The following IL1RAPL1 variants were observed in gnomAD, a reference collection of about 807,000 sequenced individuals.
IL1RAPL1 encodes interleukin 1 receptor accessory protein like 1.
IL1RAPL1 carries 3 observed loss-of-function variants against 48.4 expected under a neutral mutation model. That is an observed-to-expected ratio of 0.06 (90% CI 0.03 to 0.16). The LOEUF (loss-of-function observed/expected upper bound fraction) is 0.16, where lower values mean the gene tolerates loss of function less well. Among genes scored for constraint, IL1RAPL1 ranks in the 10% least tolerant of loss-of-function variants. The pLI is 1.00. For synonymous variants in IL1RAPL1, 185 were observed against 187.7 expected (o/e 0.99, Z 0.12); for missense variants, 349 against 530.6 (o/e 0.66, Z 3.36).
chrX:28,896,103 C>T (rs990751226), intron 2 of IL1RAPL1, among the ~76,000 whole-genome samples: 45 of 111,924 alleles, frequency 4.0e-4, no homozygotes, highest in African/African-American at 1.4e-3. Flanking sequence ...AGCTGCGGTT[C>T]GGGCATTTGG....
chrX:29,145,121 A>T (rs948176975), intron 2 of IL1RAPL1, among the ~76,000 whole-genome samples: 1 of 111,759 alleles, frequency 8.9e-6, no homozygotes, highest in African/African-American at 3.3e-5. Context: ...AATAAAAAAA[A>T]CCTGAGCCGG....
intron 1 of IL1RAPL1, among the ~76,000 whole-genome samples, chrX:28,739,731 C>T: frequency 9.0e-6 from 1 of 111,044 alleles, no homozygotes; most frequent in Middle Eastern, 4.6e-3. Context: ...GCTTCCTCTG[C>T]CAGGAATGCT....
At chrX:29,664,371 T>C (rs752843207) in intron 5 of IL1RAPL1, among the ~76,000 whole-genome samples, 1 of 90,661 alleles carries the variant, frequency 1.1e-5, no homozygotes, top group African/African-American at 4.7e-5. Context: ...GCCACTGCAC[T>C]CCGGCCTGGG....
intron 2 of IL1RAPL1, among the ~76,000 whole-genome samples, chrX:29,030,671 A>C (rs61437931): frequency 0.044 from 4,883 of 111,456 alleles, 108 homozygotes; most frequent in African/African-American, 0.064. Context: ...TATGTTGAAC[A>C]TGGTAGTTTG....
At chrX:29,118,269 C>T (rs1480235728) in intron 2 of IL1RAPL1, among the ~76,000 whole-genome samples, 1 of 112,024 alleles carries the variant, frequency 8.9e-6, no homozygotes, top group Non-Finnish European at 1.9e-5. Context: ...GTGCGAAGCT[C>T]TGATAAAAAT....
At chrX:29,599,931 T>A (rs1026513778) in intron 5 of IL1RAPL1, among the ~76,000 whole-genome samples, 3 of 112,145 alleles carry the variant, frequency 2.7e-5, no homozygotes, top group African/African-American at 9.7e-5. Flanking sequence ...TCCTGTATGA[T>A]GTTTTTTATT....
At chrX:28,730,433 G>A (rs1482829476) in intron 1 of IL1RAPL1, among the ~76,000 whole-genome samples, 1 of 111,136 alleles carries the variant, frequency 9.0e-6, no homozygotes, top group African/African-American at 3.3e-5. Context: ...TCCGAAAAAC[G>A]ACTAAATAGA....
At chrX:28,621,289 G>A in intron 1 of IL1RAPL1, among the ~76,000 whole-genome samples, 1 of 112,106 alleles carries the variant, frequency 8.9e-6, no homozygotes, top group Non-Finnish European at 1.9e-5. Context: ...ATAGATAATT[G>A]CTGAATGAAT....
chrX:29,582,193 C>T (rs749379845), intron 5 of IL1RAPL1, among the ~76,000 whole-genome samples: 3 of 110,859 alleles, frequency 2.7e-5, no homozygotes, highest in Admixed American at 9.6e-5. Context: ...GTCATTATTA[C>T]ATAATCCTAA....
chrX:29,459,953 G>T (rs1459777808), intron 5 of IL1RAPL1, among the ~76,000 whole-genome samples: 3 of 111,578 alleles, frequency 2.7e-5, no homozygotes, highest in Non-Finnish European at 5.6e-5. Context: ...CTGCTTCTAA[G>T]AATTCAACCT....
chrX:29,061,145 A>G (rs889699279), intron 2 of IL1RAPL1, among the ~76,000 whole-genome samples: 5 of 111,725 alleles, frequency 4.5e-5, no homozygotes, highest in Admixed American at 2.9e-4. Context: ...TAATATTAGA[A>G]TATAATACTT....
chrX:28,598,576 A>C (rs1474966209), intron 1 of IL1RAPL1, among the ~76,000 whole-genome samples: 1 of 108,817 alleles, frequency 9.2e-6, no homozygotes, highest in African/African-American at 3.3e-5. Context: ...TCACTCCCCT[A>C]TCCCTGAGGA....
At chrX:29,345,760 T>C (rs1933141843) in intron 3 of IL1RAPL1, among the ~76,000 whole-genome samples, 1 of 111,584 alleles carries the variant, frequency 9.0e-6, no homozygotes, top group Non-Finnish European at 1.9e-5. Context: ...ATCTAGCATT[T>C]ATTTTGTGAA....
intron 1 of IL1RAPL1, among the ~76,000 whole-genome samples, chrX:28,669,690 T>TA (rs1934926120): frequency 1.9e-5 from 2 of 104,227 alleles, no homozygotes; most frequent in African/African-American, 6.9e-5. Context: ...ATAATATAAT[T>TA]TTATATATAA....
At chrX:29,810,967 G>A (rs55959086) in intron 6 of IL1RAPL1, among the ~76,000 whole-genome samples, 5,142 of 110,896 alleles carry the variant, frequency 0.046, 135 homozygotes, top group Non-Finnish European at 0.066. Context: ...AATTAATTTC[G>A]AATGATTTAA....
chrX:28,627,499 A>C (rs964490759), intron 1 of IL1RAPL1, among the ~76,000 whole-genome samples: 19 of 112,116 alleles, frequency 1.7e-4, no homozygotes, highest in Non-Finnish European at 3.0e-4. Flanking sequence ...TCCTGACTAC[A>C]GTGCTACAAA....
chrX:29,584,720 G>A (rs5927039), intron 5 of IL1RAPL1, among the ~76,000 whole-genome samples: 31,509 of 110,501 alleles, frequency 0.29, 3,317 homozygotes, highest in South Asian at 0.45. Context: ...TGCTTGGCTG[G>A]TATTTTTTAT....
intron 2 of IL1RAPL1, among the ~76,000 whole-genome samples, chrX:29,227,004 T>A (rs1602122242): frequency 9.4e-6 from 1 of 105,822 alleles, no homozygotes; most frequent in Non-Finnish European, 2.0e-5. Context: ...TTTTTTTTTT[T>A]AATGTTAGTC....
Position 28,766,050 on chromosome X carries a change from T to C in IL1RAPL1, c.-24-23270T>C, listed in dbSNP as rs184334662. ...AAAATGCATACCCTGATATTCATTT[T>C]AATGAAAAATTTCAATGACGTATAA... On this transcript the variant is annotated intron_variant, in intron 1 of 10. Coordinates refer to ENST00000378993, the MANE Select transcript of IL1RAPL1 (RefSeq NM_014271.4). Among the ~76,000 whole-genome samples, 249 of 111,820 alleles carry C rather than the reference T, an allele frequency of 2.2e-3. 3 individuals are homozygous for C. The highest frequency in any genetic ancestry group is 7.8e-3 in the African/African-American group (240 of 30,836).
Sources: gnomAD v4.1 joint callset for allele counts (sites outside exome capture counted in the v4.1 genomes callset) on GRCh38, gnomAD v4.1.1 for gene constraint, MANE v1.5 for transcripts, NCBI Gene and HGNC (gene_info 2026-07-23, HGNC 2026-07-21) for gene names.